Variants in FOXN3 observed in about 807,000 individuals in gnomAD.
FOXN3 encodes the protein forkhead box protein N3.
Under a neutral mutation model 38.4 loss-of-function variants are expected in FOXN3, and 7 were observed. The ratio of observed to expected loss-of-function variants is 0.18; its 90% CI spans 0.10 to 0.34. The LOEUF (loss-of-function observed/expected upper bound fraction) is 0.34. FOXN3 is among the 10% of genes least tolerant of loss of function. FOXN3 has a pLI of 1.00. For missense variants in FOXN3, 456 were observed against 613.4 expected (o/e 0.74, Z 2.71); for synonymous variants, 230 against 242.2 (o/e 0.95, Z 0.47).
chr14:89,177,009 CTTTTTTTTTTT>C (rs34575638), intron 5 of FOXN3, among the ~76,000 whole-genome samples: 6 of 114,220 alleles, frequency 5.3e-5, no homozygotes, highest in Non-Finnish European at 9.0e-5. Context: ...CTCTTTCTTT[CTTTTTTTTTTT>C]TTTTTTTTTT....
chr14:89,267,342 C>G (rs1212210789), intron 4 of FOXN3, among the ~76,000 whole-genome samples: 1 of 152,182 alleles, frequency 6.6e-6, no homozygotes, highest in Non-Finnish European at 1.5e-5. Flanking sequence ...GCCAGGATCC[C>G]TGGCGCTGCA....
chr14:89,217,296 C>A (rs1378890044), intron 4 of FOXN3, among the ~76,000 whole-genome samples: 7 of 152,158 alleles, frequency 4.6e-5, no homozygotes, highest in Non-Finnish European at 1.0e-4. Context: ...CCTGCCACCA[C>A]ACATGGCTAT....
chr14:89,505,487 G>C (rs907839006), intron 1 of FOXN3, among the ~76,000 whole-genome samples: 1 of 152,132 alleles, frequency 6.6e-6, no homozygotes, highest in African/African-American at 2.4e-5. Context: ...GTGTTGGCCG[G>C]GCTGGTCTCC....
At chr14:89,293,794 G>A (rs1386595291) in intron 3 of FOXN3, among the ~76,000 whole-genome samples, 1 of 152,114 alleles carries the variant, frequency 6.6e-6, no homozygotes, top group East Asian at 1.9e-4. Context: ...CCAGACAGTG[G>A]CTATTTCCCT....
intron 4 of FOXN3, among the ~76,000 whole-genome samples, chr14:89,258,066 T>TACACACAC (rs137929543): frequency 6.6e-6 from 1 of 150,752 alleles, no homozygotes; most frequent in Non-Finnish European, 1.5e-5. Context: ...TCCTTGAGTG[T>TACACACAC]ACACACACAC....
chr14:89,550,865 T>C (rs1023578281), intron 1 of FOXN3, among the ~76,000 whole-genome samples: 21 of 152,154 alleles, frequency 1.4e-4, no homozygotes, highest in Non-Finnish European at 2.2e-4. Context: ...ATGCAATCAT[T>C]GTAAGACGGA....
chr14:89,569,902 T>C (rs1895455638), intron 1 of FOXN3, among the ~76,000 whole-genome samples: 1 of 152,064 alleles, frequency 6.6e-6, no homozygotes, highest in South Asian at 2.1e-4. Context: ...GGAAACTCAA[T>C]TTAACTTTCT....
intron 4 of FOXN3, among the ~76,000 whole-genome samples, chr14:89,190,981 G>T (rs1034146486): frequency 6.6e-6 from 1 of 151,744 alleles, no homozygotes; most frequent in Non-Finnish European, 1.5e-5. Context: ...TGTGGTGAAG[G>T]CATTAAAAAA....
At chr14:89,563,144 T>G (rs906012498) in intron 1 of FOXN3, among the ~76,000 whole-genome samples, 3 of 152,224 alleles carry the variant, frequency 2.0e-5, no homozygotes, top group Non-Finnish European at 4.4e-5. Context: ...GAATTGACAA[T>G]GCAGATGTCA....
At chr14:89,612,926 TG>T in intron 1 of FOXN3, among the ~76,000 whole-genome samples, 1 of 151,984 alleles carries the variant, frequency 6.6e-6, no homozygotes, top group African/African-American at 2.4e-5. Flanking sequence ...CAGACGAGCC[TG>T]GCCAGCATGG....
At chr14:89,616,930 G>A (rs1896506968) in intron 1 of FOXN3, among the ~76,000 whole-genome samples, 1 of 152,292 alleles carries the variant, frequency 6.6e-6, no homozygotes, top group East Asian at 1.9e-4. Flanking sequence ...TTTGACAGGC[G>A]CGATCTCAGG....
At chr14:89,214,522 TG>T (rs1243268959) in intron 4 of FOXN3, among the ~76,000 whole-genome samples, 1 of 152,238 alleles carries the variant, frequency 6.6e-6, no homozygotes, top group African/African-American at 2.4e-5. Context: ...TTGTTTACTT[TG>T]GGGCACAAGA....
intron 4 of FOXN3, among the ~76,000 whole-genome samples, chr14:89,200,525 C>T (rs1237918050): frequency 6.6e-6 from 1 of 152,128 alleles, no homozygotes; most frequent in African/African-American, 2.4e-5. Flanking sequence ...TCCTCAGAGT[C>T]GATCACTGTC....
chr14:89,595,852 G>C (rs1319067943), intron 1 of FOXN3, among the ~76,000 whole-genome samples: 3 of 152,170 alleles, frequency 2.0e-5, no homozygotes, highest in Non-Finnish European at 4.4e-5. Flanking sequence ...TTGTATATAT[G>C]CTTCTTACAG....
chr14:89,375,274 G>A (rs1890444796), intron 2 of FOXN3, among the ~76,000 whole-genome samples: 1 of 152,056 alleles, frequency 6.6e-6, no homozygotes, highest in Middle Eastern at 3.2e-3. Context: ...AGTATATGTT[G>A]TTATTATATG....
upstream of FOXN3, among the ~76,000 whole-genome samples, chr14:89,418,426 A>T: frequency 1.8e-5 from 1 of 54,466 alleles, no homozygotes; most frequent in East Asian, 1.1e-3. Flanking sequence ...CCCCCCCCCA[A>T]TCTGAGAGTC....
At chr14:89,447,814 CT>C (rs3057950) in intron 1 of FOXN3, among the ~76,000 whole-genome samples, 257 of 92,776 alleles carry the variant, frequency 2.8e-3, no homozygotes, top group East Asian at 0.011. Flanking sequence ...GCCTTTCTTC[CT>C]TTTTTTTTTT....
At chr14:89,467,870 A>G (rs1362669690) in intron 1 of FOXN3, among the ~76,000 whole-genome samples, 2 of 118,382 alleles carry the variant, frequency 1.7e-5, no homozygotes, top group African/African-American at 6.5e-5. Flanking sequence ...GGAGGGTCTC[A>G]AACTCCTGGC....
At chr14:89,220,915 G>A (rs569657554) in intron 4 of FOXN3, among the ~76,000 whole-genome samples, 2 of 152,256 alleles carry the variant, frequency 1.3e-5, no homozygotes, top group East Asian at 3.9e-4. Context: ...AGGCAACCCT[G>A]ACAGCAAGGA....
Sources: gnomAD v4.1 joint callset for allele counts (sites outside exome capture counted in the v4.1 genomes callset) on GRCh38, gnomAD v4.1.1 for gene constraint, MANE v1.5 for transcripts, NCBI Gene and HGNC (gene_info 2026-07-23, HGNC 2026-07-21) for gene names.